GRIK2: variants seen among roughly 807,000 people sequenced by gnomAD.
GRIK2 encodes glutamate receptor ionotropic, kainate 2.
A neutral mutation model predicts 100.3 loss-of-function variants in GRIK2; 32 were observed. That is an observed-to-expected ratio of 0.32 (90% confidence interval 0.24 to 0.43). GRIK2 has a LOEUF of 0.43. Among genes scored for constraint, GRIK2 ranks in the 20% least tolerant of loss-of-function variants. The pLI is 1.00. For missense variants in GRIK2, 843 were observed against 1,114.9 expected, an observed-to-expected ratio of 0.76 and a Z score of 3.47; for synonymous variants, 417 against 389.4, an observed-to-expected ratio of 1.07 and a Z score of -0.83.
intron 7 of GRIK2, among the ~76,000 whole-genome samples, chr6:101,690,000 G>A (rs1405718240): frequency 6.6e-6 from 1 of 152,076 alleles, no homozygotes; most frequent in Non-Finnish European, 1.5e-5. Flanking sequence ...ACTATAGGAT[G>A]AGAATTCACT....
intron 10 of GRIK2, among the ~76,000 whole-genome samples, chr6:101,851,367 C>T (rs537631701): frequency 1.8e-3 from 279 of 152,014 alleles, no homozygotes; most frequent in Non-Finnish European, 3.1e-3. Flanking sequence ...ACATATATCC[C>T]TCATATGCTT....
chr6:101,889,696 C>T lies in GRIK2; in HGVS notation c.1581C>T (p.Ile527=), dbSNP rs761080136. ...TTACCTATGTTCGAGAGAAGGTCAT[C>T]GACTTTTCCAAGCCCTTTATGACAC... is the stretch of plus-strand genomic sequence containing the variant. ...LAITYVREKV[I]DFSKPFMTLG... is the part of the protein sequence containing the mutation. The change falls in exon 12 of 17, where the codon ATC becomes ATT. Residue 527 remains isoleucine, a synonymous_variant. Transcript: ENST00000369134. 33 of 1,610,858 alleles carry T rather than the reference C, an allele frequency of 2.0e-5. No individual in the cohort carries two copies. The highest frequency in any genetic ancestry group is 2.7e-5 in the African/African-American group (2 of 73,978).
rs552470590 is a variant in GRIK2 at position 101,665,196 on chromosome 6, A to G, written c.542-11427A>G. ...GTCTTGCATATTGGGCCCAGCCTCA[A>G]TCATATGATGGGAGTTCTGGCACTC... On this transcript the variant is annotated intron_variant, in intron 4 of 16. Transcript: ENST00000369134. 3.9e-5 allele frequency among the ~76,000 whole-genome samples: 6 copies of G among 152,214 alleles called. No individual in the cohort carries two copies. In the East Asian group the frequency reaches 7.8e-4, roughly 20 times the overall value.
At chr6:101,991,502 C>T (rs1224893017) in intron 14 of GRIK2, among the ~76,000 whole-genome samples, 1 of 149,988 alleles carries the variant, frequency 6.7e-6, no homozygotes, top group Non-Finnish European at 1.5e-5. Flanking sequence ...TTTTATAAGA[C>T]TAGGTTTTTA....
At chr6:102,057,352 C>T (rs1362335474) in intron 16 of GRIK2, among the ~76,000 whole-genome samples, 1 of 151,908 alleles carries the variant, frequency 6.6e-6, no homozygotes, top group Non-Finnish European at 1.5e-5. Context: ...ATCTTTAGTG[C>T]AGTTTTGTTT....
intron 3 of GRIK2, among the ~76,000 whole-genome samples, chr6:101,626,032 C>T (rs1422394604): frequency 6.6e-6 from 1 of 152,074 alleles, no homozygotes; most frequent in African/African-American, 2.4e-5. Flanking sequence ...ATTTGAGAAG[C>T]TGCACTATTC....
chr6:101,629,110 G>A (rs541341975), intron 4 of GRIK2, among the ~76,000 whole-genome samples: 4 of 152,146 alleles, frequency 2.6e-5, no homozygotes, highest in African/African-American at 7.2e-5. Flanking sequence ...CATATGTATA[G>A]CTAGTTGATT....
intron 7 of GRIK2, among the ~76,000 whole-genome samples, chr6:101,742,327 T>C (rs1316213921): frequency 1.3e-5 from 2 of 151,896 alleles, no homozygotes. Flanking sequence ...GAAGATGTGG[T>C]TTAGGGATAT....
chr6:101,753,615 A>C (rs1450327371), intron 7 of GRIK2, among the ~76,000 whole-genome samples: 1 of 152,110 alleles, frequency 6.6e-6, no homozygotes, highest in Non-Finnish European at 1.5e-5. Flanking sequence ...GGACTCTTTG[A>C]ACATCAATAA....
chr6:101,924,820 T>C (rs1789782314), intron 13 of GRIK2, 101 bp downstream of exon 13: 2 of 727,568 alleles, frequency 2.7e-6, no homozygotes, highest in Non-Finnish European at 5.0e-6. Context: ...GGTGCCTCTG[T>C]GCATGTAACC....
Position 101,475,573 on chromosome 6 carries a change from G to T in GRIK2, c.115+76181G>T, listed in dbSNP as rs183452241. On this transcript the variant is annotated intron_variant, in intron 2 of 16. Transcript: ENST00000369134. ...ATTGAAAACTTGTTTCTGTTTTTTT[G>T]TGTGTGTCTGTTTTGTTTCTGTATC... Among the ~76,000 whole-genome samples, 610 of 151,684 alleles carry T rather than the reference G, an allele frequency of 4.0e-3. 3 individuals are homozygous for T. Among genetic ancestry groups the T allele is most frequent in the African/African-American group, 0.014 (576 of 41,424 alleles).
chr6:101,556,708 C>T (rs1012429530), intron 2 of GRIK2, among the ~76,000 whole-genome samples: 7 of 151,984 alleles, frequency 4.6e-5, no homozygotes, highest in East Asian at 1.9e-4. Flanking sequence ...TGCTGTTATT[C>T]GCATTGCACA....
chr6:101,526,900 A>G (rs1294181894), intron 2 of GRIK2, among the ~76,000 whole-genome samples: 1 of 152,194 alleles, frequency 6.6e-6, no homozygotes, highest in Non-Finnish European at 1.5e-5. Flanking sequence ...TAGAAAGCTG[A>G]ATCCTCTCCG....
intron 2 of GRIK2, among the ~76,000 whole-genome samples, chr6:101,589,484 C>T (rs1778540665): frequency 6.6e-6 from 1 of 152,090 alleles, no homozygotes; most frequent in Non-Finnish European, 1.5e-5. Flanking sequence ...TGCCAGTAAA[C>T]ACCATTCTAC....
chr6:102,027,043 G>T (rs1020686353), intron 14 of GRIK2, among the ~76,000 whole-genome samples: 23 of 151,324 alleles, frequency 1.5e-4, no homozygotes, highest in African/African-American at 5.6e-4. Context: ...AAATTAAAAT[G>T]GAAATCTCAG....
At position 101,681,649 on chromosome 6, in the gene GRIK2, C is replaced by A. The variant is rs117881584; in HGVS notation, c.724-904C>A. On this transcript the variant is annotated intron_variant, in intron 5 of 16. Transcript: ENST00000369134. ...CCTATTGTGCTATCAAATACTAGAT[C>A]TTATTCCTTCTATTTTTTAACCCAT... 5.0e-3 allele frequency among the ~76,000 whole-genome samples: 760 copies of A among 151,996 alleles called. 8 individuals carry two copies. Among genetic ancestry groups the A allele is most frequent in the Non-Finnish European group, 6.5e-3 (443 of 67,974 alleles).
intron 2 of GRIK2, chr6:101,620,283 T>G (rs1480427641): frequency 2.0e-6 from 1 of 506,876 alleles, no homozygotes; most frequent in Non-Finnish European, 2.5e-6. Context: ...TTACACCCAT[T>G]AGACACATAT....
chr6:101,810,313 C>T (rs2128418163), intron 9 of GRIK2, among the ~76,000 whole-genome samples: 1 of 151,938 alleles, frequency 6.6e-6, no homozygotes, highest in South Asian at 2.1e-4. Context: ...CATTAAATTG[C>T]CCTAAACTAA....
At chr6:101,648,214 A>G (rs183405484) in intron 4 of GRIK2, among the ~76,000 whole-genome samples, 7 of 152,216 alleles carry the variant, frequency 4.6e-5, no homozygotes, top group Admixed American at 4.6e-4. Flanking sequence ...AGAAACTACT[A>G]TAAATAGACT....
Sources: allele counts gnomAD v4.1 joint callset (sites outside exome capture counted in the v4.1 genomes callset), GRCh38; gene constraint gnomAD v4.1.1; transcripts MANE v1.5; gene names NCBI Gene and HGNC (gene_info 2026-07-23, HGNC 2026-07-21).